Variants in PPARGC1A observed in about 807,000 individuals in gnomAD.
PPARGC1A encodes the protein peroxisome proliferator-activated receptor gamma coactivator 1-alpha.
PPARGC1A carries 25 observed loss-of-function variants against 88.7 expected under a neutral mutation model. The ratio of observed to expected loss-of-function variants is 0.28; its 90% confidence interval spans 0.21 to 0.39. PPARGC1A has a LOEUF of 0.39. Ranked by LOEUF, PPARGC1A falls within the 10% of genes least tolerant of loss-of-function variation. The pLI, the probability that PPARGC1A is intolerant of heterozygous loss-of-function variation, is 1.00. For synonymous variants in PPARGC1A, 363 were observed against 355.6 expected (o/e 1.02, Z -0.24); for missense variants, 880 against 968.7 (o/e 0.91, Z 1.22).
the PPARGC1A span, among the ~76,000 whole-genome samples, chr4:24,305,202 C>T: frequency 1.1e-4 from 16 of 148,130 alleles, no homozygotes; most frequent in African/African-American, 2.5e-4. Flanking sequence ...CTCCCAAAGT[C>T]GTGGTTTTTT....
At chr4:24,082,910 A>T in the PPARGC1A span, among the ~76,000 whole-genome samples, 15 of 152,128 alleles carry the variant, frequency 9.9e-5, no homozygotes, top group African/African-American at 3.6e-4. Flanking sequence ...GAGAGAATTG[A>T]TTTCTTATAT....
the PPARGC1A span, among the ~76,000 whole-genome samples, chr4:24,208,358 G>A: frequency 1.3e-5 from 2 of 151,944 alleles, no homozygotes; most frequent in African/African-American, 2.4e-5. Flanking sequence ...GGAGAAGTTC[G>A]AACTGCCTTC....
the PPARGC1A span, among the ~76,000 whole-genome samples, chr4:24,299,986 C>A: frequency 6.6e-6 from 1 of 152,162 alleles, no homozygotes; most frequent in African/African-American, 2.4e-5. Context: ...GCAAATTAAA[C>A]ATTTCCATAT....
chr4:24,261,386 C>T, the PPARGC1A span, among the ~76,000 whole-genome samples: 21 of 152,270 alleles, frequency 1.4e-4, no homozygotes, highest in Middle Eastern at 3.4e-3. Flanking sequence ...TCCTCAGGAC[C>T]GCTCCCTGCC....
chr4:24,322,957 C>T, the PPARGC1A span, among the ~76,000 whole-genome samples: 2 of 152,136 alleles, frequency 1.3e-5, no homozygotes, highest in Non-Finnish European at 2.9e-5. Flanking sequence ...ACATTGTCTT[C>T]GGTATAATAA....
the PPARGC1A span, among the ~76,000 whole-genome samples, chr4:24,007,175 T>C: frequency 6.6e-6 from 1 of 152,184 alleles, no homozygotes; most frequent in Non-Finnish European, 1.5e-5. Context: ...AGCCATTCCA[T>C]CACGATCTTC....
the PPARGC1A span, among the ~76,000 whole-genome samples, chr4:24,291,948 T>C: frequency 6.6e-6 from 1 of 151,992 alleles, no homozygotes; most frequent in Non-Finnish European, 1.5e-5. Flanking sequence ...CACCCACAAA[T>C]GCAAAAGAAA....
chr4:23,802,485 C>T, intron 10 of PPARGC1A, 140 bp from the exon 11 acceptor site: 1 of 1,070,608 alleles, frequency 9.3e-7, no homozygotes, highest in Non-Finnish European at 1.3e-6. Context: ...CAATACCAGC[C>T]TGGGCAAGAT....
chr4:24,206,454 T>A, the PPARGC1A span, among the ~76,000 whole-genome samples: 1 of 152,176 alleles, frequency 6.6e-6, no homozygotes, highest in Non-Finnish European at 1.5e-5. Flanking sequence ...AAAATCAGGA[T>A]ACAATAATAT....
the PPARGC1A span, among the ~76,000 whole-genome samples, chr4:24,033,401 A>AGACT: frequency 1.1e-5 from 1 of 93,474 alleles, no homozygotes; most frequent in Non-Finnish European, 2.0e-5. Flanking sequence ...ACATAGATGT[A>AGACT]GACAGACAGA....
chr4:23,906,276 G>A (rs575324405), upstream of PPARGC1A, among the ~76,000 whole-genome samples: 6 of 152,092 alleles, frequency 3.9e-5, no homozygotes, highest in African/African-American at 1.2e-4. Flanking sequence ...AACAAAGGCC[G>A]GAGTAAAACA....
chr4:24,371,471 T>C, the PPARGC1A span, among the ~76,000 whole-genome samples: 4 of 152,102 alleles, frequency 2.6e-5, no homozygotes, highest in African/African-American at 9.7e-5. Flanking sequence ...TAGCTACCTA[T>C]CCTTCAACTG....
At chr4:24,002,790 T>C in the PPARGC1A span, among the ~76,000 whole-genome samples, 2 of 152,172 alleles carry the variant, frequency 1.3e-5, no homozygotes, top group African/African-American at 4.8e-5. Flanking sequence ...CTGTTTGGAT[T>C]CAGCTACTTG....
the PPARGC1A span, among the ~76,000 whole-genome samples, chr4:23,990,528 G>A: frequency 3.3e-5 from 5 of 151,910 alleles, no homozygotes; most frequent in Non-Finnish European, 5.9e-5. Flanking sequence ...GAAACATAAG[G>A]AACGACATCC....
At chr4:24,128,531 A>AGTGTGTGTGT in the PPARGC1A span, among the ~76,000 whole-genome samples, 725 of 138,258 alleles carry the variant, frequency 5.2e-3, 3 homozygotes, top group East Asian at 0.017. Context: ...AGCCTGTCAC[A>AGTGTGTGTGT]GTGTGTGTGT....
At chr4:24,325,216 A>G in the PPARGC1A span, among the ~76,000 whole-genome samples, 1 of 152,224 alleles carries the variant, frequency 6.6e-6, no homozygotes, top group African/African-American at 2.4e-5. Flanking sequence ...AAAGGTCAAA[A>G]GGCCATCTTA....
chr4:24,061,386 C>T, the PPARGC1A span, among the ~76,000 whole-genome samples: 234 of 152,320 alleles, frequency 1.5e-3, 2 homozygotes, highest in Non-Finnish European at 1.1e-3. Context: ...CGAAGGAGAA[C>T]GCTAAGAAAG....
At chr4:23,807,796 A>C (rs1396152763) in intron 10 of PPARGC1A, among the ~76,000 whole-genome samples, 1 of 151,814 alleles carries the variant, frequency 6.6e-6, no homozygotes, top group Non-Finnish European at 1.5e-5. Flanking sequence ...TCCTCTCAAC[A>C]TTTTAAAGTG....
the PPARGC1A span, among the ~76,000 whole-genome samples, chr4:23,993,766 C>T: frequency 6.6e-6 from 1 of 152,090 alleles, no homozygotes; most frequent in African/African-American, 2.4e-5. Context: ...ATGAAATCAC[C>T]AGGCTATTGG....
Sources: gnomAD v4.1 joint callset for allele counts (sites outside exome capture counted in the v4.1 genomes callset) on GRCh38, gnomAD v4.1.1 for gene constraint, MANE v1.5 for transcripts, NCBI Gene and HGNC (gene_info 2026-07-23, HGNC 2026-07-21) for gene names.